The following SDK1 variants were observed in gnomAD, a reference collection of about 807,000 sequenced individuals.
The protein encoded by SDK1 is protein sidekick-1.
In SDK1, 157 loss-of-function variants were observed where a neutral mutation model predicts 245.5. The ratio of observed to expected loss-of-function variants is 0.64; its 90% CI spans 0.56 to 0.73. The LOEUF (loss-of-function observed/expected upper bound fraction) is 0.73. Among genes scored for constraint, SDK1 ranks in the 30% least tolerant of loss-of-function variants. SDK1 has a pLI of 0.00. For synonymous variants in SDK1, 1,647 were observed against 1,278.5 expected (o/e 1.29, Z -6.15); for missense variants, 3,583 against 3,002.3 (o/e 1.19, Z -4.52).
At chr7:3,516,532 GA>G (rs1782757284) in intron 1 of SDK1, among the ~76,000 whole-genome samples, 1 of 152,058 alleles carries the variant, frequency 6.6e-6, no homozygotes, top group African/African-American at 2.4e-5. Context: ...AATCTTTTAT[GA>G]AACTATTCTC....
At chr7:3,511,866 C>A (rs1180203653) in intron 1 of SDK1, among the ~76,000 whole-genome samples, 2 of 148,546 alleles carry the variant, frequency 1.3e-5, no homozygotes, top group East Asian at 2.0e-4. Context: ...ACACTGATAT[C>A]TCGTATGTCT....
At chr7:3,885,757 A>G (rs1781323200) in intron 5 of SDK1, among the ~76,000 whole-genome samples, 1 of 152,226 alleles carries the variant, frequency 6.6e-6, no homozygotes, top group South Asian at 2.1e-4. Flanking sequence ...GCCAAGCTGC[A>G]TTAGTTGTAC....
intron 1 of SDK1, among the ~76,000 whole-genome samples, chr7:3,430,985 C>T (rs1204222972): frequency 6.6e-6 from 1 of 152,196 alleles, no homozygotes; most frequent in East Asian, 1.9e-4. Context: ...ACTGCAACCT[C>T]CGCCTCTCGG....
intron 5 of SDK1, among the ~76,000 whole-genome samples, chr7:3,857,013 C>G (rs1049418048): frequency 2.0e-5 from 3 of 152,162 alleles, no homozygotes; most frequent in African/African-American, 7.2e-5. Context: ...TATACCATAA[C>G]CAAGTAGATT....
At chr7:3,664,221 C>G (rs1463283160) in intron 4 of SDK1, among the ~76,000 whole-genome samples, 1 of 152,076 alleles carries the variant, frequency 6.6e-6, no homozygotes. Flanking sequence ...TGAGGCAAGT[C>G]AGAGGTGTGC....
chr7:3,513,768 T>A (rs1782651762), intron 1 of SDK1, among the ~76,000 whole-genome samples: 1 of 152,162 alleles, frequency 6.6e-6, no homozygotes. Flanking sequence ...GCAGGTTTTA[T>A]AACTTTTCAG....
Position 3,894,698 on chromosome 7 carries a change from CTTTTTTTT to C in SDK1, c.848-56214_848-56207del, listed in dbSNP as rs942252289. 3.7e-5 allele frequency among the ~76,000 whole-genome samples: 5 copies of C among 135,462 alleles called. No individual in the cohort carries two copies. The South Asian group carries it at 9.6e-4, about 26-fold the overall frequency. 88.9% of individuals were successfully genotyped at this position (135,462 alleles called of 152,430 possible). ...CTAAAGCAGAGTAATACTATTTTTT[CTTTTTTTT>C]TTTTTTTTTTGAGACGGAGTCTCAC... On this transcript the variant is annotated intron_variant, in intron 5 of 44. Coordinates refer to ENST00000404826, the MANE Select transcript of SDK1 (RefSeq NM_152744.4).
chr7:3,738,658 T>TTTGTG (rs1779388282), intron 4 of SDK1, among the ~76,000 whole-genome samples: 1 of 152,228 alleles, frequency 6.6e-6, no homozygotes, highest in Admixed American at 6.5e-5. Context: ...AGTCATCTGA[T>TTTGTG]TTGTGAAATG....
chr7:3,640,934 G>A (rs535095652), intron 3 of SDK1, among the ~76,000 whole-genome samples: 6 of 151,900 alleles, frequency 3.9e-5, no homozygotes, highest in Admixed American at 1.3e-4. Flanking sequence ...CACCCGCCTC[G>A]GCCTCCCAAA....
At chr7:3,637,448 A>G (rs1044205167) in intron 2 of SDK1, among the ~76,000 whole-genome samples, 1 of 151,970 alleles carries the variant, frequency 6.6e-6, no homozygotes, top group Non-Finnish European at 1.5e-5. Flanking sequence ...CTCACACCTT[A>G]CTCTTAATTT....
intron 43 of SDK1, among the ~76,000 whole-genome samples, chr7:4,243,174 T>C (rs796097855): frequency 9.8e-5 from 15 of 152,358 alleles, no homozygotes; most frequent in African/African-American, 3.6e-4. Context: ...CAACTCTGTC[T>C]TCTGAGTTCT....
intron 1 of SDK1, among the ~76,000 whole-genome samples, chr7:3,528,879 C>T (rs923287709): frequency 2.6e-5 from 4 of 152,124 alleles, no homozygotes; most frequent in African/African-American, 9.7e-5. Context: ...TTTATGGGCT[C>T]TTCCTGATCT....
intron 4 of SDK1, among the ~76,000 whole-genome samples, chr7:3,750,857 T>A (rs1779754122): frequency 6.6e-6 from 1 of 152,238 alleles, no homozygotes; most frequent in Non-Finnish European, 1.5e-5. Flanking sequence ...CACCTTTCTC[T>A]TTTGCACTGA....
chr7:3,412,503 C>T (rs780963167), intron 1 of SDK1, among the ~76,000 whole-genome samples: 11 of 152,086 alleles, frequency 7.2e-5, no homozygotes, highest in African/African-American at 2.2e-4. Context: ...GTGTTTATAC[C>T]ATAATTTATT....
intron 1 of SDK1, among the ~76,000 whole-genome samples, chr7:3,585,872 G>T (rs549990049): frequency 1.2e-4 from 18 of 152,296 alleles, no homozygotes; most frequent in African/African-American, 4.3e-4. Flanking sequence ...TTCCAAGAAG[G>T]GAGGGAAAGA....
intron 4 of SDK1, among the ~76,000 whole-genome samples, chr7:3,657,776 C>G (rs117365861): frequency 2.6e-5 from 4 of 152,126 alleles, no homozygotes; most frequent in African/African-American, 9.7e-5. Context: ...CGAGACTACT[C>G]TAAATCTTCA....
At chr7:3,946,164 A>G (rs534539023) in intron 5 of SDK1, among the ~76,000 whole-genome samples, 1 of 149,728 alleles carries the variant, frequency 6.7e-6, no homozygotes, top group East Asian at 2.0e-4. Flanking sequence ...ACCCCCCTAC[A>G]CTTAGACACG....
chr7:3,882,602 G>A (rs111283893), intron 5 of SDK1, among the ~76,000 whole-genome samples: 50 of 152,350 alleles, frequency 3.3e-4, no homozygotes, highest in African/African-American at 1.1e-3. Flanking sequence ...ATCTTTGAGA[G>A]AAGTGTACAT....
intron 28 of SDK1, among the ~76,000 whole-genome samples, chr7:4,138,550 C>A (rs909896673): frequency 2.4e-4 from 36 of 152,008 alleles, no homozygotes; most frequent in African/African-American, 8.2e-4. Flanking sequence ...AGTTCGAGAC[C>A]AGCCTGGCCA....
Sources: allele counts gnomAD v4.1 joint callset (sites outside exome capture counted in the v4.1 genomes callset), GRCh38; gene constraint gnomAD v4.1.1; transcripts MANE v1.5; gene names NCBI Gene and HGNC (gene_info 2026-07-23, HGNC 2026-07-21).